Variants in ANKS1B observed in about 807,000 individuals in gnomAD.
ANKS1B encodes the protein ankyrin repeat and sterile alpha motif domain containing 1B.
In ANKS1B, 36 loss-of-function variants were observed where a neutral mutation model predicts 148.3. The observed-to-expected ratio is 0.24, with a 90% confidence interval of 0.19 to 0.32. The LOEUF is 0.32. Ranked by LOEUF, ANKS1B falls within the 10% of genes least tolerant of loss-of-function variation. The pLI is 1.00. For missense variants in ANKS1B, 1,157 were observed against 1,542.6 expected, an observed-to-expected ratio of 0.75 and a Z score of 4.19; for synonymous variants, 542 against 560.8, an observed-to-expected ratio of 0.97 and a Z score of 0.47.
rs12578751 is a variant in ANKS1B, at chr12:99,454,108, G to T, written c.1439-10299C>A. Among the ~76,000 whole-genome samples the T allele has an allele frequency of 2.0e-3, 300 of 152,330 alleles. 6 individuals are homozygous for T. The East Asian group carries it at 0.055, about 28-fold the overall frequency. On this transcript the variant is annotated intron_variant, in intron 10 of 26. Transcript: ENST00000683438. The stretch of plus-strand genomic sequence containing the variant: ...CCTTTGGGAAGCTATAAATAGTTCA[G>T]CTTGGCTGAAGCACAGGATATGTGT...
chr12:99,368,406 A>G (rs2092905051), intron 12 of ANKS1B, among the ~76,000 whole-genome samples: 1 of 152,124 alleles, frequency 6.6e-6, no homozygotes, highest in Admixed American at 6.5e-5. Flanking sequence ...AAAAAATAAA[A>G]TAATTAAAAA....
intron 1 of ANKS1B, among the ~76,000 whole-genome samples, chr12:99,907,310 T>C (rs935837883): frequency 2.4e-4 from 36 of 152,132 alleles, no homozygotes; most frequent in Admixed American, 8.5e-4. Flanking sequence ...GCGCCCCTCT[T>C]CCACAGCCCC....
intron 8 of ANKS1B, among the ~76,000 whole-genome samples, chr12:99,702,248 G>T (rs4986695): frequency 0.19 from 28,785 of 151,982 alleles, 3,211 homozygotes; most frequent in East Asian, 0.46. Context: ...TGGGGTGAGA[G>T]GATATCTCAT....
intron 12 of ANKS1B, among the ~76,000 whole-genome samples, chr12:99,280,923 G>GCACATA (rs1200099904): frequency 1.3e-5 from 2 of 149,844 alleles, no homozygotes; most frequent in East Asian, 3.9e-4. Context: ...ACACACGTGC[G>GCACATA]CACATACACA....
intron 12 of ANKS1B, among the ~76,000 whole-genome samples, chr12:99,353,821 T>C (rs1167275273): frequency 6.6e-6 from 1 of 152,032 alleles, no homozygotes; most frequent in East Asian, 1.9e-4. Flanking sequence ...TTCTGTGTGA[T>C]GTACTCACAT....
intron 12 of ANKS1B, among the ~76,000 whole-genome samples, chr12:99,301,004 T>C (rs939125334): frequency 2.0e-5 from 3 of 152,136 alleles, no homozygotes; most frequent in African/African-American, 7.2e-5. Flanking sequence ...CCAGGAAAGC[T>C]GGTGTGTACT....
At chr12:98,988,794 T>C (rs1052258295) in intron 17 of ANKS1B, among the ~76,000 whole-genome samples, 2 of 152,226 alleles carry the variant, frequency 1.3e-5, no homozygotes, top group African/African-American at 4.8e-5. Flanking sequence ...ATAGCCATTC[T>C]AACAGGTATG....
chr12:99,466,614 C>T (rs954058088), intron 10 of ANKS1B, among the ~76,000 whole-genome samples: 14 of 150,094 alleles, frequency 9.3e-5, no homozygotes, highest in Admixed American at 6.6e-4. Flanking sequence ...GATATCACCA[C>T]CGATCCCACA....
intron 12 of ANKS1B, among the ~76,000 whole-genome samples, chr12:99,367,651 G>A (rs1593207872): frequency 6.6e-6 from 1 of 152,074 alleles, no homozygotes; most frequent in East Asian, 1.9e-4. Context: ...AATAAACAAT[G>A]ACATACTACC....
At chr12:98,838,182 A>T (rs1266841727) in intron 17 of ANKS1B, among the ~76,000 whole-genome samples, 1 of 152,236 alleles carries the variant, frequency 6.6e-6, no homozygotes, top group Non-Finnish European at 1.5e-5. Flanking sequence ...CCTATCATTG[A>T]AAATTTTGGT....
At chr12:99,015,043 T>C (rs1171017090) in intron 17 of ANKS1B, among the ~76,000 whole-genome samples, 1 of 152,220 alleles carries the variant, frequency 6.6e-6, no homozygotes, top group Non-Finnish European at 1.5e-5. Flanking sequence ...ATATAAATCA[T>C]TCTATTATAA....
At chr12:99,067,453 T>G (rs772041556) in intron 16 of ANKS1B, among the ~76,000 whole-genome samples, 7 of 152,084 alleles carry the variant, frequency 4.6e-5, no homozygotes, top group African/African-American at 7.2e-5. Flanking sequence ...GCACCTTCAG[T>G]GAGTATGAAG....
intron 17 of ANKS1B, among the ~76,000 whole-genome samples, chr12:98,874,251 A>G (rs964101982): frequency 3.3e-5 from 5 of 152,202 alleles, no homozygotes; most frequent in African/African-American, 1.2e-4. Flanking sequence ...CAATCTGTTA[A>G]CATCTAGAGG....
intron 15 of ANKS1B, among the ~76,000 whole-genome samples, chr12:99,102,307 G>T (rs1233808470): frequency 2.0e-5 from 3 of 152,222 alleles, no homozygotes; most frequent in Non-Finnish European, 4.4e-5. Context: ...AAAAGGGGTG[G>T]AGACAATGAA....
At chr12:99,609,314 A>G (rs947586348) in intron 9 of ANKS1B, among the ~76,000 whole-genome samples, 8 of 151,972 alleles carry the variant, frequency 5.3e-5, no homozygotes, top group African/African-American at 1.9e-4. Flanking sequence ...TTTTCCTTTT[A>G]AACCAAAGGA....
chr12:99,846,072 T>C (rs576228469), intron 1 of ANKS1B, among the ~76,000 whole-genome samples: 29 of 152,296 alleles, frequency 1.9e-4, no homozygotes, highest in Non-Finnish European at 3.7e-4. Flanking sequence ...TTAACTTAAC[T>C]AGTAGAGTTT....
chr12:99,532,056 T>C (rs2097000338), intron 9 of ANKS1B, among the ~76,000 whole-genome samples: 1 of 151,458 alleles, frequency 6.6e-6, no homozygotes, highest in African/African-American at 2.4e-5. Context: ...TTTTTTTTTC[T>C]TGCTGATTTG....
At chr12:99,549,786 T>C (rs1596824211) in intron 9 of ANKS1B, among the ~76,000 whole-genome samples, 1 of 152,164 alleles carries the variant, frequency 6.6e-6, no homozygotes, top group Non-Finnish European at 1.5e-5. Flanking sequence ...TTTTGTAAAC[T>C]CCCGCCATTC....
At chr12:99,172,502 T>A (rs2077887425) in intron 14 of ANKS1B, among the ~76,000 whole-genome samples, 1 of 152,186 alleles carries the variant, frequency 6.6e-6, no homozygotes, top group East Asian at 1.9e-4. Context: ...CCTCCAAATA[T>A]TCTTAGTTTC....
Sources: gnomAD v4.1 joint callset for allele counts (sites outside exome capture counted in the v4.1 genomes callset) on GRCh38, gnomAD v4.1.1 for gene constraint, MANE v1.5 for transcripts, NCBI Gene and HGNC (gene_info 2026-07-23, HGNC 2026-07-21) for gene names.